EPHA6: variants seen among roughly 807,000 people sequenced by gnomAD.
EPHA6 encodes EPH receptor A6.
Under a neutral mutation model 112.0 loss-of-function variants are expected in EPHA6, and 50 were observed. That is an observed-to-expected ratio of 0.45 (90% CI 0.36 to 0.56). EPHA6 has a LOEUF of 0.56. Ranked by LOEUF, EPHA6 falls within the 20% of genes least tolerant of loss-of-function variation. EPHA6 has a pLI of 0.00. For synonymous variants in EPHA6, 529 were observed against 490.7 expected (o/e 1.08, Z -1.03); for missense variants, 1,280 against 1,417.4 (o/e 0.90, Z 1.56).
intron 2 of EPHA6, among the ~76,000 whole-genome samples, chr3:96,898,555 A>G (rs551235319): frequency 2.6e-5 from 4 of 152,180 alleles, no homozygotes; most frequent in Admixed American, 6.5e-5. Context: ...AATAATATAT[A>G]TGACTAATAC....
At chr3:97,183,235 T>C (rs2077038273) in intron 3 of EPHA6, among the ~76,000 whole-genome samples, 1 of 152,120 alleles carries the variant, frequency 6.6e-6, no homozygotes, top group South Asian at 2.1e-4. Flanking sequence ...AGAGTCAATG[T>C]ACTTTCCCAA....
At chr3:97,334,478 CTT>C (rs1354125066) in intron 5 of EPHA6, among the ~76,000 whole-genome samples, 24 of 128,032 alleles carry the variant, frequency 1.9e-4, no homozygotes, top group Non-Finnish European at 2.3e-4. Flanking sequence ...TTTTTTTCTT[CTT>C]TTTTTTTTTT....
At position 96,941,598 on chromosome 3, in the gene EPHA6, C is replaced by T. The variant is rs1009768715; in HGVS notation, c.451-45732C>T. Among the ~76,000 whole-genome samples the T allele has an allele frequency of 3.9e-4, 59 of 152,330 alleles. No individual in the cohort carries two copies. The Middle Eastern group carries it at 0.01, about 26-fold the overall frequency. ...CGTCTGAAGCCTTCTTCTCTCAACT[C>T]GTCAAAGTCATTCTCCGTCCAGCTT... On this transcript the variant is annotated intron_variant, in intron 2 of 17. Transcript: ENST00000389672.
Position 97,011,793 on chromosome 3 carries a change from C to T in EPHA6, c.1114+23800C>T, listed in dbSNP as rs189482790. Among the ~76,000 whole-genome samples, 607 of 152,284 alleles carry T rather than the reference C, an allele frequency of 4.0e-3. 2 individuals carry two copies. The highest frequency in any genetic ancestry group is 6.1e-3 in the Non-Finnish European group (416 of 68,016). On this transcript the variant is annotated intron_variant, in intron 3 of 17. Transcript: ENST00000389672. ...CAATAGTTTTTCAACCCTTATCCCC[C>T]ACCCGGCTCCTTCCTCTAGTAGTTT...
At chr3:96,887,394 C>G (rs1333036042) in intron 2 of EPHA6, among the ~76,000 whole-genome samples, 1 of 152,158 alleles carries the variant, frequency 6.6e-6, no homozygotes, top group African/African-American at 2.4e-5. Flanking sequence ...CTACCCGGCT[C>G]CAGGCTGGTA....
chr3:97,480,869 T>G (rs2091515947), intron 9 of EPHA6, among the ~76,000 whole-genome samples: 1 of 150,376 alleles, frequency 6.6e-6, no homozygotes, highest in Non-Finnish European at 1.5e-5. Flanking sequence ...GCTCCTCATA[T>G]CCCAGACGGG....
intron 3 of EPHA6, among the ~76,000 whole-genome samples, chr3:97,014,903 G>A (rs1197786884): frequency 6.6e-6 from 1 of 152,142 alleles, no homozygotes; most frequent in Admixed American, 6.5e-5. Context: ...TGCTGTGACA[G>A]CCTCTTTTCC....
intron 11 of EPHA6, among the ~76,000 whole-genome samples, chr3:97,545,293 T>A (rs2092928908): frequency 6.6e-6 from 1 of 152,176 alleles, no homozygotes; most frequent in South Asian, 2.1e-4. Context: ...TCAAAGAACA[T>A]CTTTATTTCT....
chr3:97,048,538 A>T (rs759965173), intron 3 of EPHA6, among the ~76,000 whole-genome samples: 5 of 152,214 alleles, frequency 3.3e-5, no homozygotes, highest in Non-Finnish European at 2.9e-5. Flanking sequence ...GATGTATTAG[A>T]TTAGTGAGAG....
At chr3:97,272,996 G>A (rs761375000) in intron 5 of EPHA6, among the ~76,000 whole-genome samples, 11 of 152,224 alleles carry the variant, frequency 7.2e-5, no homozygotes, top group Non-Finnish European at 1.3e-4. Flanking sequence ...GATTAGGGGC[G>A]GTGTGGGAAC....
At chr3:96,833,647 A>C (rs2107287544) in intron 1 of EPHA6, among the ~76,000 whole-genome samples, 1 of 152,136 alleles carries the variant, frequency 6.6e-6, no homozygotes, top group East Asian at 1.9e-4. Flanking sequence ...AGCTGAAGAA[A>C]GTTAAACCAG....
intron 5 of EPHA6, among the ~76,000 whole-genome samples, chr3:97,251,886 C>T (rs140398646): frequency 6.6e-6 from 1 of 152,300 alleles, no homozygotes; most frequent in Admixed American, 6.5e-5. Context: ...TGATTTTTCT[C>T]TCTCAACTTG....
chr3:97,081,454 T>C (rs559105413), intron 3 of EPHA6, among the ~76,000 whole-genome samples: 2 of 152,050 alleles, frequency 1.3e-5, no homozygotes, highest in Non-Finnish European at 2.9e-5. Context: ...AAATCAAATA[T>C]AAGTTAATAC....
intron 3 of EPHA6, among the ~76,000 whole-genome samples, chr3:97,142,263 CA>C (rs2075927907): frequency 2.6e-5 from 4 of 151,944 alleles, no homozygotes; most frequent in Admixed American, 2.0e-4. Context: ...ACAACAAGAA[CA>C]GTTTTTATAT....
chr3:97,287,795 G>A (rs1375510942), intron 5 of EPHA6, among the ~76,000 whole-genome samples: 1 of 152,196 alleles, frequency 6.6e-6, no homozygotes, highest in Admixed American at 6.5e-5. Context: ...TTGATGGGCT[G>A]TTGGATTCAG....
At chr3:97,060,106 G>A (rs1263597649) in intron 3 of EPHA6, among the ~76,000 whole-genome samples, 1 of 152,132 alleles carries the variant, frequency 6.6e-6, no homozygotes, top group Admixed American at 6.5e-5. Flanking sequence ...GGGTGACAGG[G>A]CAAGACTCCG....
rs1356538328 is a variant in EPHA6, at chr3:97,759,466, C to A, written c.*10765C>A. ...ATTGTCTTGTTTTTTAAGGATGCTA[C>A]AGCATATTTATCTACTAATGAAAAT... On this transcript the variant is annotated 3_prime_UTR_variant, in exon 18 of 18. Transcript: ENST00000389672. 1 of 229,142 alleles carries A rather than the reference C, an allele frequency of 4.4e-6. No homozygotes were observed. Among genetic ancestry groups the A allele is most frequent in the Non-Finnish European group, 8.7e-6 (1 of 115,556 alleles). The allele number at this position is 229,142 out of a possible 1,614,324, so 14.2% of individuals were successfully genotyped here.
At chr3:97,197,014 G>C (rs866651122) in intron 3 of EPHA6, among the ~76,000 whole-genome samples, 4 of 151,702 alleles carry the variant, frequency 2.6e-5, no homozygotes, top group Non-Finnish European at 4.4e-5. Flanking sequence ...GTCCAAGGGC[G>C]CTTCACTTAG....
chr3:97,414,426 C>T (rs1388214591), intron 6 of EPHA6, among the ~76,000 whole-genome samples: 2 of 151,870 alleles, frequency 1.3e-5, no homozygotes, highest in Non-Finnish European at 2.9e-5. Context: ...ACTTAACACC[C>T]TCAAGAAATG....
Sources: gnomAD v4.1 joint callset for allele counts (sites outside exome capture counted in the v4.1 genomes callset) on GRCh38, gnomAD v4.1.1 for gene constraint, MANE v1.5 for transcripts, NCBI Gene and HGNC (gene_info 2026-07-23, HGNC 2026-07-21) for gene names.